KPTN: variants seen among roughly 807,000 people sequenced by gnomAD.
KPTN encodes kaptin, actin binding protein, also known as KICSTOR complex protein kaptin.
A neutral mutation model predicts 52.6 loss-of-function variants in KPTN; 36 were observed. The observed-to-expected ratio is 0.68, with a 90% confidence interval of 0.52 to 0.90. The LOEUF (loss-of-function observed/expected upper bound fraction) is 0.90, where lower values mean the gene tolerates loss of function less well. Among genes scored for constraint, KPTN ranks in the 40% least tolerant of loss-of-function variants. The probability of loss-of-function intolerance (pLI) is 0.00; values close to 1 mark genes in which losing one functional copy is unlikely to be tolerated. For missense variants in KPTN, 529 were observed against 576.2 expected, an observed-to-expected ratio of 0.92 and a Z score of 0.84; for synonymous variants, 271 against 248.4, an observed-to-expected ratio of 1.09 and a Z score of -0.85.
rs1967802459 is a variant in KPTN at position 47,479,850 on chromosome 19, A to G, written c.787+13T>C. Reference sequence around the variant, plus strand: ...ACCCGCTCTCTCCCCATCCCCTCAAACCCAGAGCTCACCCTTGGCGGCCGA... The same window carrying G: ...ACCCGCTCTCTCCCCATCCCCTCAAGCCCAGAGCTCACCCTTGGCGGCCGA... On this transcript the variant is annotated intron_variant, in intron 8 of 11. Transcript: ENST00000338134. 1 of 1,611,210 alleles carries G rather than the reference A, an allele frequency of 6.2e-7. No individual in the cohort carries two copies. Among genetic ancestry groups the G allele is most frequent in the Admixed American group, 1.7e-5 (1 of 59,914 alleles).
rs1410866508 is a variant in KPTN, at chr19:47,475,252, C to T, written c.*164G>A. ...CCCTGCTTTCAAATAGGGACATTGA[C>T]GTACAGAGAGAGGAGTGGGTTAGCT... On this transcript the variant is annotated 3_prime_UTR_variant, in exon 12 of 12. Transcript: ENST00000338134. 11 of 639,368 alleles carry T rather than the reference C, an allele frequency of 1.7e-5. No homozygotes were observed. The highest frequency in any genetic ancestry group is 5.9e-5 in the Admixed American group (2 of 33,972). The allele number at this position is 639,368 out of a possible 1,614,324, so 39.6% of individuals were successfully genotyped here.
In KPTN at chr19:47,483,302, A is replaced by C. The variant is rs376346702; in HGVS notation, c.387T>G (p.Ser129=). ...CGTCCACGCCTCACTCACGGGCAAT[A>C]GAGTCAAGGTTGTACTCAGAGCCGG... ...YEPGSEYNLD[S]IAQSCLNLEL... Residue 129 remains serine, a synonymous_variant, in exon 3 of 12, where the codon TCT becomes TCG. Coordinates refer to ENST00000338134, the MANE Select transcript of KPTN (RefSeq NM_007059.4). The C allele has an allele frequency of 6.2e-7, 1 of 1,613,854 alleles. No individual in the cohort carries two copies. The highest frequency in any genetic ancestry group is 8.5e-7 in the Non-Finnish European group (1 of 1,179,962).
At chr19:47,477,046 C>T (rs906156679) in intron 9 of KPTN, 108 bp from the exon 10 acceptor site, 28 of 1,136,760 alleles carry the variant, frequency 2.5e-5, no homozygotes, top group African/African-American at 2.3e-4. Context: ...CAGGCCTAGA[C>T]ACACTGGTCC....
chr19:47,484,294 T>G (rs1968004604), upstream of KPTN: 7 of 1,194,470 alleles, frequency 5.9e-6, no homozygotes, highest in Non-Finnish European at 6.8e-6. Context: ...CTGCCGGCGT[T>G]GCCCTCTCCC....
intron 8 of KPTN, 60 bp downstream of exon 8, chr19:47,479,803 G>A: frequency 2.2e-6 from 3 of 1,392,492 alleles, no homozygotes; most frequent in Middle Eastern, 1.8e-4. Flanking sequence ...ACCCAAGAAT[G>A]CAGAGTTGCC....
chr19:47,480,253 T>C, intron 7 of KPTN, 45 bp downstream of exon 7: 3 of 518,628 alleles, frequency 5.8e-6, no homozygotes, highest in Non-Finnish European at 1.0e-5. Context: ...CCCCGCCCTC[T>C]AGCCCTCAAC....
rs552739397 is a variant in KPTN at position 47,484,008 on chromosome 19, G to T, written c.153C>A (p.Leu51=). 3 of 1,613,226 alleles carry T rather than the reference G, an allele frequency of 1.9e-6. No individual in the cohort carries two copies. The African/African-American group carries it at 4.0e-5, about 22-fold the overall frequency. ...GTCGGAGGTCTTGGTAGCGGAAGCC[G>T]AGCACCTTGCCTTTAAGGGTGGCGG... is the stretch of plus-strand genomic sequence containing the variant. ...LLAATLKGKV[L]GFRYQDLRQK... The change falls in exon 1 of 12, where the codon CTC becomes CTA. Residue 51 remains leucine, a synonymous_variant. Coordinates refer to ENST00000338134, the MANE Select transcript of KPTN (RefSeq NM_007059.4).
chr19:47,481,958 T>C (rs1967891946), intron 4 of KPTN, among the ~76,000 whole-genome samples: 1 of 152,240 alleles, frequency 6.6e-6, no homozygotes, highest in South Asian at 2.1e-4. Flanking sequence ...CCTCAGAAGA[T>C]TCTGGCTTCT....
At chr19:47,485,019 A>G (rs779390910), upstream of KPTN, among the ~76,000 whole-genome samples, 3 of 152,168 alleles carry the variant, frequency 2.0e-5, no homozygotes, top group Non-Finnish European at 2.9e-5. Context: ...TAATCTTAAC[A>G]GTATCACCTT....
At chr19:47,478,940 C>T (rs146017367) in intron 8 of KPTN, among the ~76,000 whole-genome samples, 123 of 152,350 alleles carry the variant, frequency 8.1e-4, no homozygotes, top group Non-Finnish European at 1.3e-3. Context: ...TTAGGTACAA[C>T]GGACACTAGC....
chr19:47,481,164 T>C lies in KPTN; in HGVS notation c.450-131A>G, dbSNP rs988346691. Reference sequence around the variant, plus strand: ...TGGGATCCAGACACTAGACCCAGGGTTAGAATCTCAGGGCTCAAGCTCCTG... The same window carrying C: ...TGGGATCCAGACACTAGACCCAGGGCTAGAATCTCAGGGCTCAAGCTCCTG... On this transcript the variant is annotated intron_variant, in intron 4 of 11. Coordinates refer to ENST00000338134, the MANE Select transcript of KPTN (RefSeq NM_007059.4). 4.2e-6 allele frequency: 3 copies of C among 713,688 alleles called. No homozygotes were observed. In the African/African-American group the frequency reaches 5.3e-5, roughly 13 times the overall value. 44.2% of individuals were successfully genotyped at this position (713,688 alleles called of 1,614,324 possible). A position where few individuals can be genotyped will look rare whatever the true frequency, so the allele number is the denominator to read the frequency against.
At chr19:47,481,780 C>A (rs919795853) in intron 4 of KPTN, 2 of 152,066 alleles carry the variant, frequency 1.3e-5, no homozygotes, top group African/African-American at 4.8e-5. Flanking sequence ...GGATCTCTAC[C>A]AAAAAAAGTT....
At position 47,483,234 on chromosome 19, in the gene KPTN, C is replaced by A. The variant is rs960568669; in HGVS notation, c.395-19G>T. The A allele has an allele frequency of 6.2e-7, 1 of 1,613,930 alleles. No individual in the cohort carries two copies. Among genetic ancestry groups the A allele is most frequent in the African/African-American group, 1.3e-5 (1 of 75,020 alleles). The stretch of plus-strand genomic sequence containing the variant: ...CAGCTCTCTGTAGGCAGGGCACAGG[C>A]AGGTTAGCATGGGGGACCTGCTGGG... On this transcript the variant is annotated intron_variant, in intron 3 of 11. Coordinates refer to ENST00000338134, the MANE Select transcript of KPTN (RefSeq NM_007059.4).
rs1274845022 is a variant in KPTN at position 47,476,982 on chromosome 19, G to C, written c.864-44C>G. 3.2e-6 allele frequency: 5 copies of C among 1,542,346 alleles called. No homozygotes were observed. The African/African-American group carries it at 6.9e-5, about 21-fold the overall frequency. On this transcript the variant is annotated intron_variant, in intron 9 of 11. Transcript: ENST00000338134. Reference sequence around the variant, plus strand: ...GCATATAGACTGGGGTCAGCTTGCAGTGCCCAGCACCCTTGGCGGATGCTA... The same window carrying C: ...GCATATAGACTGGGGTCAGCTTGCACTGCCCAGCACCCTTGGCGGATGCTA...
intron 9 of KPTN, among the ~76,000 whole-genome samples, chr19:47,477,343 C>G (rs1967706305): frequency 6.6e-6 from 1 of 152,154 alleles, no homozygotes; most frequent in Admixed American, 6.5e-5. Flanking sequence ...GAAATGTTCC[C>G]ATGTAATCAT....
intron 11 of KPTN, chr19:47,476,202 G>A (rs1356126194): frequency 1.7e-5 from 3 of 175,178 alleles, no homozygotes; most frequent in East Asian, 2.7e-4. Context: ...CCAGCTGCTT[G>A]AGAGGCTGAG....
In KPTN at chr19:47,475,315, C is replaced by T; in HGVS notation, c.*101G>A. 7.0e-7 allele frequency: 1 copy of T among 1,434,274 alleles called. No homozygotes were observed. Among genetic ancestry groups the T allele is most frequent in the Non-Finnish European group, 9.4e-7 (1 of 1,063,934 alleles). 88.8% of individuals were successfully genotyped at this position (1,434,274 alleles called of 1,614,324 possible). ...CACAGCTTCACCACCCTGGGGAGGT[C>T]TGGGGAGAGCATCCTGTCCTTCAGG... On this transcript the variant is annotated 3_prime_UTR_variant, in exon 12 of 12. Coordinates refer to ENST00000338134, the MANE Select transcript of KPTN (RefSeq NM_007059.4).
At chr19:47,484,326 G>C, upstream of KPTN, 1 of 853,172 alleles carries the variant, frequency 1.2e-6, no homozygotes, top group South Asian at 1.8e-5. Flanking sequence ...CAGGTCGCCT[G>C]CTCGGGCCTC....
In KPTN at chr19:47,476,741, C is replaced by T. The variant is rs769700626; in HGVS notation, c.1000-27G>A. The T allele has an allele frequency of 1.9e-6, 3 of 1,607,262 alleles. No individual in the cohort carries two copies. The Admixed American group carries it at 5.1e-5, about 27-fold the overall frequency. ...TGCGGGGGTGAAGAATCAGGTCACA[C>T]AGGTTGATGGGGGGACAGTGGAGGG... On this transcript the variant is annotated intron_variant, in intron 10 of 11. Coordinates refer to ENST00000338134, the MANE Select transcript of KPTN (RefSeq NM_007059.4).
Sources: gnomAD v4.1 joint callset for allele counts (sites outside exome capture counted in the v4.1 genomes callset) on GRCh38, gnomAD v4.1.1 for gene constraint, MANE v1.5 for transcripts, NCBI Gene and HGNC (gene_info 2026-07-23, HGNC 2026-07-21) for gene names.